Variants in DNER observed in about 807,000 individuals in gnomAD.
DNER encodes the protein delta/notch like EGF repeat containing.
A neutral mutation model predicts 78.2 loss-of-function variants in DNER; 33 were observed. That is an observed-to-expected ratio of 0.42 (90% CI 0.32 to 0.56). DNER has a LOEUF of 0.56. Ranked by LOEUF, DNER falls within the 20% of genes least tolerant of loss-of-function variation. The pLI, the probability that DNER is intolerant of heterozygous loss-of-function variation, is 0.11. For synonymous variants in DNER, 417 were observed against 384.8 expected (o/e 1.08, Z -0.98); for missense variants, 918 against 975.3 (o/e 0.94, Z 0.78).
At chr2:229,668,069 A>G (rs549291010) in intron 1 of DNER, among the ~76,000 whole-genome samples, 3 of 152,300 alleles carry the variant, frequency 2.0e-5, no homozygotes, top group Non-Finnish European at 4.4e-5. Flanking sequence ...CTCTTACTTC[A>G]GTGATACTTA....
At chr2:229,487,456 C>T (rs1695300739) in intron 6 of DNER, among the ~76,000 whole-genome samples, 2 of 152,184 alleles carry the variant, frequency 1.3e-5, no homozygotes. Context: ...GAAGATAATT[C>T]AATACTTAGA....
chr2:229,638,528 A>G (rs990013068), intron 1 of DNER, among the ~76,000 whole-genome samples: 1 of 152,160 alleles, frequency 6.6e-6, no homozygotes, highest in Admixed American at 6.5e-5. Flanking sequence ...TTGGTGCACA[A>G]ATCTCCTTTT....
intron 1 of DNER, among the ~76,000 whole-genome samples, chr2:229,690,102 G>A (rs993965090): frequency 2.0e-4 from 30 of 152,184 alleles, no homozygotes; most frequent in African/African-American, 6.0e-4. Flanking sequence ...CTAGTAGTCC[G>A]CAGGCGTAGC....
At position 229,377,464 on chromosome 2, in the gene DNER, A is replaced by G. The variant is rs568734175; in HGVS notation, c.1856-10345T>C. Among the ~76,000 whole-genome samples the G allele has an allele frequency of 1.4e-3, 210 of 152,328 alleles. 1 individual carries two copies. The highest frequency in any genetic ancestry group is 0.011 in the South Asian group (51 of 4,828). On this transcript the variant is annotated intron_variant, in intron 11 of 12. Coordinates refer to ENST00000341772, the MANE Select transcript of DNER (RefSeq NM_139072.4). ...GGAAGGCATATTTTCCTTTTATTAT[A>G]ATTCAGAAAAAATTATAATCAGTCC...
intron 1 of DNER, among the ~76,000 whole-genome samples, chr2:229,649,724 A>C (rs959226024): frequency 1.3e-5 from 2 of 152,198 alleles, no homozygotes; most frequent in Admixed American, 6.5e-5. Context: ...CTTTATATAC[A>C]GTGGATGAGA....
intron 3 of DNER, 80 bp downstream of exon 3, chr2:229,588,314 A>G: frequency 1.5e-6 from 2 of 1,320,690 alleles, no homozygotes; most frequent in South Asian, 2.5e-5. Flanking sequence ...CCACTTACAC[A>G]CCAGGTCCGC....
intron 1 of DNER, among the ~76,000 whole-genome samples, chr2:229,637,021 T>C (rs1698541933): frequency 1.3e-5 from 2 of 152,194 alleles, no homozygotes; most frequent in African/African-American, 4.8e-5. Flanking sequence ...GGAACTGCCC[T>C]GGACTACCAC....
intron 1 of DNER, among the ~76,000 whole-genome samples, chr2:229,648,523 G>T (rs1698759026): frequency 6.6e-6 from 1 of 152,196 alleles, no homozygotes; most frequent in African/African-American, 2.4e-5. Flanking sequence ...CCACTTGGAA[G>T]TGCCGAATTG....
At chr2:229,690,443 C>T (rs1406282157) in intron 1 of DNER, among the ~76,000 whole-genome samples, 2 of 152,196 alleles carry the variant, frequency 1.3e-5, no homozygotes, top group Non-Finnish European at 2.9e-5. Context: ...TTAGTAACAA[C>T]AGTGCACAGA....
chr2:229,616,611 A>T lies in DNER; in HGVS notation c.277-24723T>A, dbSNP rs113232400. 3.8e-3 allele frequency among the ~76,000 whole-genome samples: 574 copies of T among 152,300 alleles called. 3 individuals are homozygous for T. The highest frequency in any genetic ancestry group is 0.011 in the South Asian group (52 of 4,826). On this transcript the variant is annotated intron_variant, in intron 1 of 12. Transcript: ENST00000341772. ...GTAGAAGAACACTAACTGGGGAATCAAGAGAACAATGGCACTCTCTATCCA... is the reference window on the plus strand; with the variant it reads ...GTAGAAGAACACTAACTGGGGAATCTAGAGAACAATGGCACTCTCTATCCA...
At chr2:229,713,681 C>T (rs1179136273) in intron 1 of DNER, among the ~76,000 whole-genome samples, 1 of 152,250 alleles carries the variant, frequency 6.6e-6, no homozygotes, top group Non-Finnish European at 1.5e-5. Flanking sequence ...GGCCCACCAT[C>T]ACCTGCCTCC....
intron 5 of DNER, among the ~76,000 whole-genome samples, chr2:229,544,776 C>T (rs181735819): frequency 9.4e-4 from 143 of 152,188 alleles, no homozygotes; most frequent in African/African-American, 2.5e-3. Context: ...TCAGGTGATC[C>T]GCCAGCTTCA....
At chr2:229,634,075 G>A (rs540928067) in intron 1 of DNER, among the ~76,000 whole-genome samples, 1 of 152,224 alleles carries the variant, frequency 6.6e-6, no homozygotes, top group East Asian at 1.9e-4. Flanking sequence ...CTCTCCTAAG[G>A]GACAATGACA....
intron 1 of DNER, among the ~76,000 whole-genome samples, chr2:229,648,991 T>A (rs1698766633): frequency 6.6e-6 from 1 of 152,194 alleles, no homozygotes; most frequent in African/African-American, 2.4e-5. Context: ...CTAACCTGTG[T>A]AGTGAGGCCA....
intron 6 of DNER, among the ~76,000 whole-genome samples, chr2:229,481,950 A>T (rs974782940): frequency 1.9e-4 from 29 of 152,254 alleles, no homozygotes; most frequent in Non-Finnish European, 4.1e-4. Flanking sequence ...TCCCAAGTGG[A>T]AGGTGGGCAA....
intron 1 of DNER, among the ~76,000 whole-genome samples, chr2:229,687,796 A>G (rs532221162): frequency 2.3e-4 from 35 of 152,346 alleles, no homozygotes; most frequent in African/African-American, 8.4e-4. Context: ...AAATTTAGAC[A>G]TAAGGCTAAT....
rs1347250866 is a variant in DNER, at chr2:229,566,489, G to A, written c.847+19369C>T. On this transcript the variant is annotated intron_variant, in intron 4 of 12. Coordinates refer to ENST00000341772, the MANE Select transcript of DNER (RefSeq NM_139072.4). Reference sequence around the variant, plus strand: ...CCCAGTGGTGCACCATGATTTGAGAGAAGAAAAACTGTAGATGTATGGGAA... The same window carrying A: ...CCCAGTGGTGCACCATGATTTGAGAAAAGAAAAACTGTAGATGTATGGGAA... Among the ~76,000 whole-genome samples, 3 of 152,260 alleles carry A rather than the reference G, an allele frequency of 2.0e-5. No individual in the cohort carries two copies. In the East Asian group the frequency reaches 5.8e-4, roughly 29 times the overall value.
At position 229,685,142 on chromosome 2, in the gene DNER, T is replaced by A. The variant is rs562281698; in HGVS notation, c.276+29006A>T. ...AAGTTTAGAGGACTCTGATCTTTGG[T>A]TGCTTAGCAACTTGCAGCTTTGACG... On this transcript the variant is annotated intron_variant, in intron 1 of 12. Transcript: ENST00000341772. 3.9e-5 allele frequency among the ~76,000 whole-genome samples: 6 copies of A among 152,250 alleles called. No homozygotes were observed. The South Asian group carries it at 6.2e-4, about 16-fold the overall frequency.
intron 10 of DNER, among the ~76,000 whole-genome samples, chr2:229,399,251 T>A (rs546942848): frequency 6.6e-6 from 1 of 151,728 alleles, no homozygotes; most frequent in South Asian, 2.1e-4. Context: ...ATCAATTATA[T>A]TTCTATATAC....
Sources: allele counts gnomAD v4.1 joint callset (sites outside exome capture counted in the v4.1 genomes callset), GRCh38; gene constraint gnomAD v4.1.1; transcripts MANE v1.5; gene names NCBI Gene and HGNC (gene_info 2026-07-23, HGNC 2026-07-21).